The following NPAS1 variants were observed in gnomAD, a reference collection of about 807,000 sequenced individuals.
NPAS1 encodes the protein neuronal PAS domain protein 1.
Under a neutral mutation model 49.2 loss-of-function variants are expected in NPAS1, and 29 were observed. The ratio of observed to expected loss-of-function variants is 0.59; its 90% confidence interval spans 0.44 to 0.80. The LOEUF is 0.80. Among genes scored for constraint, NPAS1 ranks in the 30% least tolerant of loss-of-function variants. The probability of loss-of-function intolerance (pLI) is 0.00; values close to 1 mark genes in which losing one functional copy is unlikely to be tolerated. For missense variants in NPAS1, 825 were observed against 835.5 expected (o/e 0.99, Z 0.15); for synonymous variants, 408 against 380.4 (o/e 1.07, Z -0.84).
chr19:47,027,459 G>T lies in NPAS1; in HGVS notation c.359-4819G>T, dbSNP rs553437350. On this transcript the variant is annotated intron_variant, in intron 3 of 11. Coordinates refer to ENST00000602212, the MANE Select transcript of NPAS1 (RefSeq NM_002517.4). ...CTGGTCTCCCTTCTCTCTGCCCCTG[G>T]TCTCCCGTCTCTCTGCCCCTGGTCT... is the stretch of plus-strand genomic sequence containing the variant. 1.7e-3 allele frequency among the ~76,000 whole-genome samples: 204 copies of T among 121,586 alleles called. 5 individuals carry two copies. The highest frequency in any genetic ancestry group is 6.0e-3 in the African/African-American group (183 of 30,630). 79.8% of individuals were successfully genotyped at this position (121,586 alleles called of 152,430 possible).
In NPAS1 at chr19:47,021,504, C is replaced by A; in HGVS notation, c.123-108C>A. The A allele has an allele frequency of 1.4e-6, 1 of 729,908 alleles. No homozygotes were observed. Among genetic ancestry groups the A allele is most frequent in the Non-Finnish European group, 2.1e-6 (1 of 474,966 alleles). 45.2% of individuals were successfully genotyped at this position (729,908 alleles called of 1,614,324 possible). On this transcript the variant is annotated intron_variant, in intron 2 of 11. Transcript: ENST00000602212. The surrounding 1 kb of genome is among the most constrained non-coding windows in gnomAD (Gnocchi z 5.7). The stretch of plus-strand genomic sequence containing the variant: ...CCTCCAGAGATGTGGAATCCACTCC[C>A]AACGTCCCGTCCCGTTCCCAAGGCC...
At position 47,045,510 on chromosome 19, in the gene NPAS1, C is replaced by T; in HGVS notation, c.1632C>T (p.Tyr544=). ...RGLCTPGTIR[Y]GPAELGLVYP... is the part of the protein sequence containing the mutation. The stretch of plus-strand genomic sequence containing the variant: ...TGTGCACACCCGGCACCATCCGCTA[C>T]GGCCCCGCGGAGCTGGGCCTGGTGT... Residue 544 remains tyrosine, a synonymous_variant, in exon 12 of 12, where the codon TAC becomes TAT. Transcript: ENST00000602212. The T allele has an allele frequency of 1.9e-6, 3 of 1,541,890 alleles. No homozygotes were observed. The highest frequency in any genetic ancestry group is 1.7e-6 in the Non-Finnish European group (2 of 1,149,622).
intron 6 of NPAS1, among the ~76,000 whole-genome samples, chr19:47,038,285 G>C (rs147033160): frequency 0.021 from 3,172 of 152,282 alleles, 98 homozygotes; most frequent in African/African-American, 0.069. Context: ...TTGGGAGGCC[G>C]AGGCGGCCAG....
intron 11 of NPAS1, 33 bp from the exon 12 acceptor site, chr19:47,045,158 C>G (rs1402571994): frequency 6.3e-7 from 1 of 1,596,254 alleles, no homozygotes; most frequent in African/African-American, 1.3e-5. Context: ...GGGCTGGGGA[C>G]ACACACAGGC....
At chr19:47,039,299 C>T (rs2056993422) in intron 7 of NPAS1, 108 bp from the exon 8 acceptor site, 1 of 1,508,816 alleles carries the variant, frequency 6.6e-7, no homozygotes, top group South Asian at 1.2e-5. Context: ...CACACAGTGT[C>T]CAGTCCTCCA....
intron 1 of NPAS1, among the ~76,000 whole-genome samples, chr19:47,020,449 G>C (rs1197252654): frequency 6.6e-6 from 1 of 152,026 alleles, no homozygotes; most frequent in South Asian, 2.1e-4. Context: ...GTCCGAACAC[G>C]TGGCGCCATC....
intron 6 of NPAS1, among the ~76,000 whole-genome samples, chr19:47,037,052 G>GAA (rs150861252): frequency 0.031 from 3,795 of 120,534 alleles, 153 homozygotes; most frequent in African/African-American, 0.096. Flanking sequence ...CCAGTGTCTG[G>GAA]AAAAAAAAAA....
rs2057007344 is a variant in NPAS1 at position 47,040,543 on chromosome 19, C to T, written c.1062C>T (p.His354=). The T allele has an allele frequency of 3.8e-6, 6 of 1,582,318 alleles. No individual in the cohort carries two copies. The highest frequency in any genetic ancestry group is 1.7e-4 in the Middle Eastern group (1 of 5,824). Reference sequence around the variant, plus strand: ...ACGCCACGAGGATCCGCCAGAGCCACGTGGACTGTGAGACCCACCTCCACC... The same window carrying T: ...ACGCCACGAGGATCCGCCAGAGCCATGTGGACTGTGAGACCCACCTCCACC... ...GQDATRIRQS[H]VDLLDKGQVM... is the part of the protein sequence containing the mutation. Residue 354 remains histidine, a synonymous_variant, in exon 9 of 12, where the codon CAC becomes CAT. Coordinates refer to ENST00000602212, the MANE Select transcript of NPAS1 (RefSeq NM_002517.4).
chr19:47,045,750 T>C lies in NPAS1; in HGVS notation c.*99T>C, dbSNP rs1230890663. 4 of 1,133,206 alleles carry C rather than the reference T, an allele frequency of 3.5e-6. No homozygotes were observed. The highest frequency in any genetic ancestry group is 3.4e-5 in the Admixed American group (1 of 29,292). The allele number at this position is 1,133,206 out of a possible 1,614,324, so 70.2% of individuals were successfully genotyped here. The stretch of plus-strand genomic sequence containing the variant: ...GTAGCCCTGAGAATTAAACGCCGGC[T>C]CTCCCTGCAGTGGTTTGGGCTCCGG... On this transcript the variant is annotated 3_prime_UTR_variant, in exon 12 of 12. Coordinates refer to ENST00000602212, the MANE Select transcript of NPAS1 (RefSeq NM_002517.4).
intron 7 of NPAS1, 63 bp downstream of exon 7, chr19:47,039,214 G>C: frequency 6.6e-7 from 1 of 1,513,866 alleles, no homozygotes. Context: ...GAGGGTGACC[G>C]AGGGAACCAG....
At chr19:47,027,944 G>T (rs1429149879) in intron 3 of NPAS1, among the ~76,000 whole-genome samples, 1 of 152,120 alleles carries the variant, frequency 6.6e-6, no homozygotes, top group African/African-American at 2.4e-5. Flanking sequence ...GGAAACAGCG[G>T]GAGGCATCGG....
In NPAS1 at chr19:47,021,358, C is replaced by G. The variant is rs2056839954; in HGVS notation, c.122+189C>G. Among the ~76,000 whole-genome samples, 1 of 152,244 alleles carries G rather than the reference C, an allele frequency of 6.6e-6. No individual in the cohort carries two copies. Among genetic ancestry groups the G allele is most frequent in the Admixed American group, 6.5e-5 (1 of 15,288 alleles). On this transcript the variant is annotated intron_variant, in intron 2 of 11. Transcript: ENST00000602212. This position sits in a 1 kb window ranked among gnomAD's most constrained non-coding sequence, Gnocchi z 5.7. The stretch of plus-strand genomic sequence containing the variant: ...CCTGCGTTCTGCTTCTAGTCCCGGT[C>G]CTCAGAATTCACGCCCAACATCTTT...
chr19:47,023,308 GC>G (rs1367305606), intron 3 of NPAS1, among the ~76,000 whole-genome samples: 1 of 152,190 alleles, frequency 6.6e-6, no homozygotes, highest in Non-Finnish European at 1.5e-5. Flanking sequence ...GCGGCGTCCA[GC>G]CCCCCATTAC....
Position 47,036,054 on chromosome 19 carries a change from C to T in NPAS1, c.613C>T (p.Pro205Ser), listed in dbSNP as rs2056951371. ...GCAACTGGGGCTGCGGACGCCGACG[C>T]CCGGCCCCCCAACCCCGCCCTCCGT... ...LEQLGLRTPT[P>S]GPPTPPSVSS... Residue 205 changes from proline (P) to serine (S), a missense_variant, in exon 6 of 12, where the codon CCC (proline) becomes TCC (serine). Coordinates refer to ENST00000602212, the MANE Select transcript of NPAS1 (RefSeq NM_002517.4). 2 of 1,602,748 alleles carry T rather than the reference C, an allele frequency of 1.2e-6. No individual in the cohort carries two copies. The highest frequency in any genetic ancestry group is 4.5e-5 in the East Asian group (2 of 44,402).
intron 3 of NPAS1, among the ~76,000 whole-genome samples, chr19:47,026,030 C>T (rs896642023): frequency 6.6e-6 from 1 of 152,122 alleles, no homozygotes; most frequent in Non-Finnish European, 1.5e-5. Context: ...ACCTCCACTT[C>T]CCAGGTTCAA....
At chr19:47,025,434 A>G (rs12974768) in intron 3 of NPAS1, among the ~76,000 whole-genome samples, 1 of 90,280 alleles carries the variant, frequency 1.1e-5, no homozygotes, top group Non-Finnish European at 2.9e-5. Flanking sequence ...ATGCGCCACC[A>G]CGCCCAGCTA....
At chr19:47,020,170 C>G (rs113020258) in intron 1 of NPAS1, among the ~76,000 whole-genome samples, 173 bp downstream of exon 1, 2,817 of 149,152 alleles carry the variant, frequency 0.019, 42 homozygotes, top group South Asian at 0.041. Flanking sequence ...GAGACCTGGA[C>G]ACGGGGGTCT....
At position 47,032,583 on chromosome 19, in the gene NPAS1, C is replaced by T. The variant is rs372682059; in HGVS notation, c.433-60C>T. ...GGTTTCAGAACCTCTTACCACTTGG[C>T]GGCTGGACAGAGGGACACCGGGTCC... On this transcript the variant is annotated intron_variant, in intron 4 of 11. Coordinates refer to ENST00000602212, the MANE Select transcript of NPAS1 (RefSeq NM_002517.4). The T allele has an allele frequency of 6.7e-6, 10 of 1,485,830 alleles. 1 individual carries two copies. The East Asian group carries it at 1.1e-4, about 17-fold the overall frequency. The allele number at this position is 1,485,830 out of a possible 1,614,324, so 92.0% of individuals were successfully genotyped here.
chr19:47,032,428 A>T lies in NPAS1; in HGVS notation c.432+77A>T, dbSNP rs563579572. The stretch of plus-strand genomic sequence containing the variant: ...GCCTCTGGAGAACAGCAGCCTCTTC[A>T]GCATCCATCTATTGTGGGGGGTACC... On this transcript the variant is annotated intron_variant, in intron 4 of 11. Transcript: ENST00000602212. 3.4e-6 allele frequency: 5 copies of T among 1,470,726 alleles called. No homozygotes were observed. The South Asian group carries it at 5.7e-5, about 17-fold the overall frequency. The allele number at this position is 1,470,726 out of a possible 1,614,324, so 91.1% of individuals were successfully genotyped here.
Sources: allele counts gnomAD v4.1 joint callset (sites outside exome capture counted in the v4.1 genomes callset), GRCh38; gene constraint gnomAD v4.1.1; non-coding constraint Gnocchi (gnomAD v3.1); transcripts MANE v1.5; gene names NCBI Gene and HGNC (gene_info 2026-07-23, HGNC 2026-07-21).